The following SLC24A3 variants were observed in gnomAD, a reference collection of about 807,000 sequenced individuals.
The protein encoded by SLC24A3 is sodium/potassium/calcium exchanger 3.
In SLC24A3, 28 loss-of-function variants were observed where a neutral mutation model predicts 75.8. The ratio of observed to expected loss-of-function variants is 0.37; its 90% confidence interval spans 0.27 to 0.51. SLC24A3 has a LOEUF of 0.51. SLC24A3 is among the 20% of genes least tolerant of loss of function. The pLI, the probability that SLC24A3 is intolerant of heterozygous loss-of-function variation, is 0.94. For missense variants in SLC24A3, 663 were observed against 847.8 expected, an observed-to-expected ratio of 0.78 and a Z score of 2.71; for synonymous variants, 372 against 334.1, an observed-to-expected ratio of 1.11 and a Z score of -1.24.
At chr20:19,216,752 A>C (rs1981570936) in intron 1 of SLC24A3, among the ~76,000 whole-genome samples, 1 of 152,220 alleles carries the variant, frequency 6.6e-6, no homozygotes, top group Non-Finnish European at 1.5e-5. Flanking sequence ...ACTAGTTGCT[A>C]TTGCTGCATA....
chr20:19,268,543 C>A (rs192343026), intron 1 of SLC24A3, among the ~76,000 whole-genome samples: 5 of 152,166 alleles, frequency 3.3e-5, no homozygotes, highest in Non-Finnish European at 7.3e-5. Context: ...ATGTGGTAAT[C>A]GGGCTAAAGT....
At chr20:19,648,486 G>A (rs1281752875) in intron 6 of SLC24A3, among the ~76,000 whole-genome samples, 1 of 147,438 alleles carries the variant, frequency 6.8e-6, no homozygotes, top group Non-Finnish European at 1.5e-5. Context: ...CACAAATCGA[G>A]AATATTTGTG....
chr20:19,223,855 C>T (rs1220463034), intron 1 of SLC24A3, among the ~76,000 whole-genome samples: 2 of 152,150 alleles, frequency 1.3e-5, no homozygotes, highest in Non-Finnish European at 2.9e-5. Context: ...ATCTGATAAC[C>T]GAGCTGGCTA....
At chr20:19,507,867 C>G (rs7273200) in intron 2 of SLC24A3, among the ~76,000 whole-genome samples, 5,860 of 152,250 alleles carry the variant, frequency 0.038, 217 homozygotes, top group African/African-American at 0.09. Context: ...GAGAGAAAGG[C>G]CCTCTGCATT....
rs568919443 is a variant in SLC24A3 at position 19,298,574 on chromosome 20, A to G, written c.271+17487A>G. ...AGGAAACAACAGTAGAGGATGGGGA[A>G]GTGAGACCAGGAAGGAAAGATGAAG... On this transcript the variant is annotated intron_variant, in intron 2 of 16. Coordinates refer to ENST00000328041, the MANE Select transcript of SLC24A3 (RefSeq NM_020689.4). 7.1e-4 allele frequency among the ~76,000 whole-genome samples: 108 copies of G among 152,172 alleles called. 1 individual carries two copies. The highest frequency in any genetic ancestry group is 4.1e-4 in the South Asian group (2 of 4,824).
chr20:19,481,613 G>C lies in SLC24A3; in HGVS notation c.272-33875G>C, dbSNP rs139535214. Among the ~76,000 whole-genome samples the C allele has an allele frequency of 3.2e-3, 483 of 152,240 alleles. 3 individuals are homozygous for C. The highest frequency in any genetic ancestry group is 0.011 in the African/African-American group (463 of 41,544). On this transcript the variant is annotated intron_variant, in intron 2 of 16. Transcript: ENST00000328041. ...GAAAGGACTAGTGGGTCTCCAAGCT[G>C]GGGGAGAGCAGAGTGAGTCTGATTT...
chr20:19,621,584 T>G (rs1161197782), intron 6 of SLC24A3, among the ~76,000 whole-genome samples: 1 of 152,216 alleles, frequency 6.6e-6, no homozygotes, highest in Non-Finnish European at 1.5e-5. Context: ...TGGTATCTTT[T>G]TACTTCTAGA....
At chr20:19,673,542 G>C in intron 8 of SLC24A3, 59 bp from the exon 9 acceptor site, 4 of 1,438,450 alleles carry the variant, frequency 2.8e-6, no homozygotes, top group Non-Finnish European at 3.9e-6. Context: ...TTAAAAATGA[G>C]GCAGGTGAGT....
chr20:19,682,262 A>C (rs577671067), intron 10 of SLC24A3, among the ~76,000 whole-genome samples: 20 of 152,286 alleles, frequency 1.3e-4, no homozygotes, highest in African/African-American at 4.8e-4. Context: ...TTCAAAAAAA[A>C]ATAAAAGAAA....
chr20:19,397,647 C>CTTTTTTTTTTTTTTTTTTTTTTTTTT (rs3057518), intron 2 of SLC24A3, among the ~76,000 whole-genome samples: 1 of 117,106 alleles, frequency 8.5e-6, no homozygotes, highest in Non-Finnish European at 1.8e-5. Flanking sequence ...TTTTTCTTTT[C>CTTTTTTTTTTTTTTTTTTTTTTTTTT]TTTTTTTTTT....
At chr20:19,502,352 C>T (rs6112419) in intron 2 of SLC24A3, among the ~76,000 whole-genome samples, 2,659 of 152,220 alleles carry the variant, frequency 0.017, 68 homozygotes, top group African/African-American at 0.061. Flanking sequence ...TGACTCCACG[C>T]GGCCCAGGGA....
chr20:19,417,090 G>T (rs1052004962), intron 2 of SLC24A3, among the ~76,000 whole-genome samples: 1 of 152,196 alleles, frequency 6.6e-6, no homozygotes, highest in Non-Finnish European at 1.5e-5. Context: ...CACAAAGGCC[G>T]ATGGCAGGGG....
intron 2 of SLC24A3, among the ~76,000 whole-genome samples, chr20:19,377,140 A>G (rs1018340903): frequency 2.6e-5 from 4 of 152,176 alleles, no homozygotes; most frequent in African/African-American, 7.2e-5. Flanking sequence ...CACTCAGCCA[A>G]GTTGGGCATT....
rs529496003 is a variant in SLC24A3 at position 19,504,059 on chromosome 20, C to T, written c.272-11429C>T. 2.0e-5 allele frequency among the ~76,000 whole-genome samples: 3 copies of T among 152,290 alleles called. No individual in the cohort carries two copies. The East Asian group carries it at 5.8e-4, about 29-fold the overall frequency. On this transcript the variant is annotated intron_variant, in intron 2 of 16. Transcript: ENST00000328041. Reference sequence around the variant, plus strand: ...ATTCCCCTAACCATGGTAGACATTGCTAATAGATGGAGATGCTCTACCACA... The same window carrying T: ...ATTCCCCTAACCATGGTAGACATTGTTAATAGATGGAGATGCTCTACCACA...
At chr20:19,507,467 T>C (rs1307381457) in intron 2 of SLC24A3, among the ~76,000 whole-genome samples, 1 of 152,184 alleles carries the variant, frequency 6.6e-6, no homozygotes, top group Non-Finnish European at 1.5e-5. Flanking sequence ...ACAAAATGCA[T>C]GTATTGGGGT....
chr20:19,327,192 A>G (rs1191088235), intron 2 of SLC24A3, among the ~76,000 whole-genome samples: 2 of 152,192 alleles, frequency 1.3e-5, no homozygotes, highest in Non-Finnish European at 2.9e-5. Flanking sequence ...ATTACTGGAA[A>G]TGCGTTGAGC....
At chr20:19,476,771 C>A (rs6106084) in intron 2 of SLC24A3, among the ~76,000 whole-genome samples, 2,217 of 152,136 alleles carry the variant, frequency 0.015, 21 homozygotes, top group Middle Eastern at 0.031. Flanking sequence ...ATTATGGGAA[C>A]CCAGGCAGGG....
At chr20:19,238,076 A>G (rs1160540443) in intron 1 of SLC24A3, among the ~76,000 whole-genome samples, 2 of 152,160 alleles carry the variant, frequency 1.3e-5, no homozygotes, top group African/African-American at 2.4e-5. Flanking sequence ...ATAAGTGTAT[A>G]TAGCTTGATG....
chr20:19,238,319 G>A (rs969307262), intron 1 of SLC24A3, among the ~76,000 whole-genome samples: 4 of 152,172 alleles, frequency 2.6e-5, no homozygotes, highest in African/African-American at 9.7e-5. Context: ...TCTAGTTGTA[G>A]GTTATTCATT....
Sources: allele counts gnomAD v4.1 joint callset (sites outside exome capture counted in the v4.1 genomes callset), GRCh38; gene constraint gnomAD v4.1.1; transcripts MANE v1.5; gene names NCBI Gene and HGNC (gene_info 2026-07-23, HGNC 2026-07-21).